Variants in TNFRSF4 observed in about 807,000 individuals in gnomAD.
TNFRSF4 encodes tumor necrosis factor receptor superfamily member 4.
Under a neutral mutation model 29.5 loss-of-function variants are expected in TNFRSF4, and 21 were observed. The observed-to-expected ratio is 0.71, with a 90% confidence interval of 0.51 to 1.03. TNFRSF4 has a LOEUF of 1.03. Among genes scored for constraint, TNFRSF4 ranks in the 50% least tolerant of loss-of-function variants. The probability of loss-of-function intolerance (pLI) is 0.00; values close to 1 mark genes in which losing one functional copy is unlikely to be tolerated. For synonymous variants in TNFRSF4, 197 were observed against 172.7 expected (o/e 1.14, Z -1.10); for missense variants, 408 against 387.8 (o/e 1.05, Z -0.44).
chr1:1,212,761 T>C (rs1570465407), intron 3 of TNFRSF4, 57 bp from the exon 4 acceptor site: 1 of 1,424,520 alleles, frequency 7.0e-7, no homozygotes, highest in South Asian at 1.4e-5. Flanking sequence ...GCTGGGGACA[T>C]GGGGCAGAGC....
intron 4 of TNFRSF4, among the ~76,000 whole-genome samples, chr1:1,212,346 C>G (rs1314919454): frequency 2.6e-5 from 4 of 152,086 alleles, no homozygotes; most frequent in African/African-American, 4.8e-5. Flanking sequence ...CTACACCCCC[C>G]ACCAGCACCT....
intron 5 of TNFRSF4, 42 bp from the exon 6 acceptor site, chr1:1,211,874 CCCCATGCCGCCCT>C: frequency 6.6e-7 from 1 of 1,508,412 alleles, no homozygotes; most frequent in Non-Finnish European, 8.8e-7. Context: ...CAGGAGGGGC[CCCCATGCCGCCCT>C]CCCCTTCTCC....
intron 2 of TNFRSF4, chr1:1,213,457 G>A (rs747176391): frequency 6.7e-7 from 1 of 1,503,296 alleles, no homozygotes; most frequent in Non-Finnish European, 8.9e-7. Flanking sequence ...ACGTGGCCTG[G>A]GCCGAGTCTG....
In TNFRSF4 at chr1:1,213,607, T is replaced by C; in HGVS notation, c.268+56A>G. ...CCATGCTGCTGCGTGGGAATGTGGG[T>C]GCCAGGCTGCCGCCCCCTGTGCTGG... On this transcript the variant is annotated intron_variant, in intron 2 of 6. Coordinates refer to ENST00000379236, the MANE Select transcript of TNFRSF4 (RefSeq NM_003327.4). 5.9e-6 allele frequency: 9 copies of C among 1,519,136 alleles called. No individual in the cohort carries two copies. The South Asian group carries it at 1.0e-4, about 17-fold the overall frequency. The allele number at this position is 1,519,136 out of a possible 1,614,324, so 94.1% of individuals were successfully genotyped here.
At position 1,212,684 on chromosome 1, in the gene TNFRSF4, C is replaced by A; in HGVS notation, c.391G>T (p.Gly131Trp). 1 of 1,572,694 alleles carries A rather than the reference C, an allele frequency of 6.4e-7. No homozygotes were observed. Among genetic ancestry groups the A allele is most frequent in the Non-Finnish European group, 8.6e-7 (1 of 1,159,912 alleles). The change falls in exon 4 of 7, where the codon GGG (glycine) becomes TGG (tryptophan). Residue 131 changes from glycine (G) to tryptophan (W), a missense_variant. Physicochemically the swap from Gly to Trp is radical, Grantham distance 184 (BLOSUM62 -2). Transcript: ENST00000379236. ...TGGTTGTCGCCTGGGGAGAAGTGCC[C>A]TGGAGGGCAGGGGGCACAGTCTGCA... is the stretch of plus-strand genomic sequence containing the variant. ...PGVDCAPCPP[G>W]HFSPGDNQAC...
intron 4 of TNFRSF4, 73 bp from the exon 5 acceptor site, chr1:1,212,211 G>T: frequency 6.6e-7 from 1 of 1,518,666 alleles, no homozygotes; most frequent in Non-Finnish European, 9.0e-7. Context: ...GGGATAACAG[G>T]GTCCACGCTG....
rs368516876 is a variant in TNFRSF4, at chr1:1,213,746, G to A, written c.185C>T (p.Thr62Met). Reference protein sequence around the residue: ...MVSRCSRSQNTVCRPCGPGFY... With the variant: ...MVSRCSRSQNMVCRPCGPGFY... ...GCCCGGCCCGCACGGACGGCACACC[G>A]TGTTCTGGGAGCGGCTGCAGCGGCT... Residue 62 changes from threonine (T) to methionine (M), a missense_variant, in exon 2 of 7, where the codon ACG becomes ATG. Transcript: ENST00000379236. 20 of 1,603,418 alleles carry A rather than the reference G, an allele frequency of 1.2e-5. No individual in the cohort carries two copies. Among genetic ancestry groups the A allele is most frequent in the East Asian group, 4.5e-5 (2 of 44,408 alleles).
chr1:1,211,916 C>G, intron 5 of TNFRSF4, 26 bp downstream of exon 5: 1 of 1,517,872 alleles, frequency 6.6e-7, no homozygotes, highest in Non-Finnish European at 8.8e-7. Context: ...TTGGGGGCCC[C>G]GCTGGGCTGG....
Position 1,211,729 on chromosome 1 carries a change from C to T in TNFRSF4, c.738G>A (p.Leu246=). ...CAGGGGGCTTGTGGGCATCGGGGGG[C>T]AGCCTCTGGTCCCTCCGGAGCAGGT... The part of the protein sequence containing the change: ...ALYLLRRDQR[L]PPDAHKPPGG... Residue 246 remains leucine (L), a synonymous_variant, in exon 6 of 7, where the codon CTG becomes CTA. Coordinates refer to ENST00000379236, the MANE Select transcript of TNFRSF4 (RefSeq NM_003327.4). 6.3e-7 allele frequency: 1 copy of T among 1,583,348 alleles called. No homozygotes were observed. Among genetic ancestry groups the T allele is most frequent in the South Asian group, 1.1e-5 (1 of 87,728 alleles).
At chr1:1,213,446 C>T in intron 2 of TNFRSF4, 1 of 1,523,246 alleles carries the variant, frequency 6.6e-7, no homozygotes. Context: ...TCCCCGACTC[C>T]ACGTGGCCTG....
chr1:1,212,843 C>G, intron 3 of TNFRSF4, 139 bp from the exon 4 acceptor site: 11 of 1,212,418 alleles, frequency 9.1e-6, no homozygotes, highest in Non-Finnish European at 1.2e-5. Flanking sequence ...CTGCCCACAT[C>G]CCACCCGTGG....
Position 1,213,679 on chromosome 1 carries a change from G to A in TNFRSF4, c.252C>T (p.Cys84=), listed in dbSNP as rs1258372113. 1 of 1,593,596 alleles carries A rather than the reference G, an allele frequency of 6.3e-7. No homozygotes were observed. Among genetic ancestry groups the A allele is most frequent in the Non-Finnish European group, 8.5e-7 (1 of 1,171,054 alleles). The change falls in exon 2 of 7, where the codon TGC becomes TGT. Residue 84 remains cysteine, a synonymous_variant. Transcript: ENST00000379236. The part of the protein sequence containing the change: ...DVVSSKPCKP[C]TWCNLRSGSE... ...GGAGCTCACTGAGGTTACACCACGTGCAGGGCTTGCACGGCTTGGAGCTGA... is the reference window on the plus strand; with the variant it reads ...GGAGCTCACTGAGGTTACACCACGTACAGGGCTTGCACGGCTTGGAGCTGA...
chr1:1,212,184 A>C (rs754168664), intron 4 of TNFRSF4, 46 bp from the exon 5 acceptor site: 6 of 1,602,412 alleles, frequency 3.7e-6, no homozygotes. Context: ...ACCCCCTGGG[A>C]CCCGGGAGAT....
chr1:1,213,400 A>C, intron 2 of TNFRSF4: 1 of 1,531,972 alleles, frequency 6.5e-7, no homozygotes, highest in Non-Finnish European at 8.8e-7. Flanking sequence ...CTCACTGCTC[A>C]GGCCAGCAAG....
In TNFRSF4 at chr1:1,211,745, C is replaced by A; in HGVS notation, c.722G>T (p.Arg241Leu). The change falls in exon 6 of 7, where the codon CGG (arginine) becomes CTG (leucine). Residue 241 changes from arginine to leucine, a missense_variant. Coordinates refer to ENST00000379236, the MANE Select transcript of TNFRSF4 (RefSeq NM_003327.4). The stretch of plus-strand genomic sequence containing the variant: ...ATCGGGGGGCAGCCTCTGGTCCCTC[C>A]GGAGCAGGTACAGGGCCAGCAGGAT... ...LAILLALYLL[R>L]RDQRLPPDAH... The A allele has an allele frequency of 6.3e-7, 1 of 1,577,332 alleles. No individual in the cohort carries two copies.
In TNFRSF4 at chr1:1,212,846, A is replaced by C; in HGVS notation, c.371-142T>G. 4 of 1,213,136 alleles carry C rather than the reference A, an allele frequency of 3.3e-6. No individual in the cohort carries two copies. In the South Asian group the frequency reaches 4.7e-5, roughly 14 times the overall value. The allele number at this position is 1,213,136 out of a possible 1,614,324, so 75.1% of individuals were successfully genotyped here. A position where few individuals can be genotyped will look rare whatever the true frequency, so the allele number is the denominator to read the frequency against. On this transcript the variant is annotated intron_variant, in intron 3 of 6. Coordinates refer to ENST00000379236, the MANE Select transcript of TNFRSF4 (RefSeq NM_003327.4). ...TGGAAGCCCTCCCTGCCCACATCCC[A>C]CCCGTGGGCCCTGACCCGGGAGCTC...
Position 1,213,751 on chromosome 1 carries a change from C to G in TNFRSF4, c.180G>C (p.Gln60His), listed in dbSNP as rs1419784742. 4 of 1,602,698 alleles carry G rather than the reference C, an allele frequency of 2.5e-6. No homozygotes were observed. Among genetic ancestry groups the G allele is most frequent in the Non-Finnish European group, 3.4e-6 (4 of 1,176,028 alleles). Residue 60 changes from glutamine (Q) to histidine (H), a missense_variant, in exon 2 of 7, where the codon CAG (glutamine) becomes CAC (histidine). By Grantham distance (24) the Gln-to-His change is conservative (BLOSUM62 0). Coordinates refer to ENST00000379236, the MANE Select transcript of TNFRSF4 (RefSeq NM_003327.4). ...GCCCGCACGGACGGCACACCGTGTT[C>G]TGGGAGCGGCTGCAGCGGCTCACCA... Reference protein sequence around the residue: ...NGMVSRCSRSQNTVCRPCGPG... With the variant: ...NGMVSRCSRSHNTVCRPCGPG...
chr1:1,213,200 C>T (rs888454578), intron 2 of TNFRSF4, 107 bp from the exon 3 acceptor site: 8 of 1,536,230 alleles, frequency 5.2e-6, no homozygotes, highest in East Asian at 2.4e-5. Flanking sequence ...CACAGAGGGC[C>T]GTGGGCAGGG....
intron 4 of TNFRSF4, 145 bp from the exon 5 acceptor site, chr1:1,212,283 G>T: frequency 1.1e-6 from 1 of 930,900 alleles, no homozygotes; most frequent in Non-Finnish European, 1.6e-6. Flanking sequence ...ACGCTGCCCA[G>T]CCCCACGTGC....
Sources: allele counts gnomAD v4.1 joint callset (sites outside exome capture counted in the v4.1 genomes callset), GRCh38; gene constraint gnomAD v4.1.1; transcripts MANE v1.5; gene names NCBI Gene and HGNC (gene_info 2026-07-23, HGNC 2026-07-21).